The following ECE1 variants were observed in gnomAD, a reference collection of about 807,000 sequenced individuals.
The protein encoded by ECE1 is endothelin-converting enzyme 1.
In ECE1, 35 loss-of-function variants were observed where a neutral mutation model predicts 98.6. The observed-to-expected ratio is 0.35, with a 90% confidence interval of 0.27 to 0.47. The LOEUF (loss-of-function observed/expected upper bound fraction) is 0.47. Among genes scored for constraint, ECE1 ranks in the 20% least tolerant of loss-of-function variants. The pLI is 1.00. For synonymous variants in ECE1, 394 were observed against 407.1 expected (o/e 0.97, Z 0.39); for missense variants, 814 against 1,025.3 (o/e 0.79, Z 2.81).
intron 2 of ECE1, among the ~76,000 whole-genome samples, chr1:21,284,808 C>T (rs1169778030): frequency 1.3e-5 from 2 of 152,304 alleles, no homozygotes; most frequent in Non-Finnish European, 1.5e-5. Flanking sequence ...AACCCAGCAA[C>T]CTGGGCTGCA....
At chr1:21,331,094 G>A (rs898499243) in intron 1 of ECE1, among the ~76,000 whole-genome samples, 6 of 152,076 alleles carry the variant, frequency 3.9e-5, no homozygotes, top group African/African-American at 1.4e-4. Flanking sequence ...AGGCAACATA[G>A]CAAACCCTGT....
At chr1:21,317,080 G>A (rs969936699) in intron 1 of ECE1, among the ~76,000 whole-genome samples, 1 of 152,012 alleles carries the variant, frequency 6.6e-6, no homozygotes, top group Non-Finnish European at 1.5e-5. Flanking sequence ...GGGTATGGGG[G>A]ATTCAACTGC....
chr1:21,328,359 A>C (rs1639126442), intron 1 of ECE1, among the ~76,000 whole-genome samples: 1 of 152,194 alleles, frequency 6.6e-6, no homozygotes, highest in Non-Finnish European at 1.5e-5. Context: ...CTTGCTAACC[A>C]TTCTAGACCT....
chr1:21,253,789 G>A (rs529070990), intron 8 of ECE1, among the ~76,000 whole-genome samples: 2 of 149,544 alleles, frequency 1.3e-5, no homozygotes, highest in East Asian at 4.0e-4. Flanking sequence ...AAGAACCACA[G>A]GCCAGGTGCG....
At chr1:21,280,086 T>C (rs2098252628) in intron 2 of ECE1, 1 of 152,014 alleles carries the variant, frequency 6.6e-6, no homozygotes, top group African/African-American at 2.4e-5. Flanking sequence ...GGAGGCACAA[T>C]GAGAGGAAGT....
At chr1:21,332,104 C>T (rs753221645) in intron 1 of ECE1, among the ~76,000 whole-genome samples, 2 of 152,202 alleles carry the variant, frequency 1.3e-5, no homozygotes, top group Non-Finnish European at 2.9e-5. Context: ...CCATCCTCAG[C>T]ACCCAGTGGT....
At chr1:21,271,219 G>A (rs926861392) in intron 4 of ECE1, among the ~76,000 whole-genome samples, 2 of 152,190 alleles carry the variant, frequency 1.3e-5, no homozygotes, top group Non-Finnish European at 2.9e-5. Flanking sequence ...CGGAGGCCAG[G>A]AGAAAGGGTG....
intron 14 of ECE1, among the ~76,000 whole-genome samples, chr1:21,231,268 A>T (rs2098181402): frequency 6.6e-6 from 1 of 152,164 alleles, no homozygotes; most frequent in African/African-American, 2.4e-5. Context: ...TGAGATGGGT[A>T]CCACATTTCC....
At chr1:21,250,907 T>A (rs1370408599) in intron 8 of ECE1, among the ~76,000 whole-genome samples, 1 of 152,028 alleles carries the variant, frequency 6.6e-6, no homozygotes, top group African/African-American at 2.4e-5. Flanking sequence ...CGCGGGAGGC[T>A]GAGGCAGGAG....
At chr1:21,311,816 A>G (rs1218106828) in intron 1 of ECE1, among the ~76,000 whole-genome samples, 6 of 151,536 alleles carry the variant, frequency 4.0e-5, no homozygotes, top group Non-Finnish European at 7.4e-5. Context: ...TGTCTCAAAA[A>G]AAAATTTTTT....
At chr1:21,227,268 G>A in intron 15 of ECE1, 42 bp from the exon 16 acceptor site, 4 of 1,589,358 alleles carry the variant, frequency 2.5e-6, no homozygotes, top group Non-Finnish European at 3.5e-6. Flanking sequence ...GCTTTGAGAG[G>A]AGGGCCTCTC....
chr1:21,325,960 C>T (rs532169127), intron 1 of ECE1, among the ~76,000 whole-genome samples: 35 of 152,294 alleles, frequency 2.3e-4, no homozygotes, highest in African/African-American at 8.2e-4. Flanking sequence ...AACTTGCTGC[C>T]AGCTTCCCCT....
chr1:21,292,540 T>G (rs1638227691), upstream of ECE1, among the ~76,000 whole-genome samples: 1 of 152,230 alleles, frequency 6.6e-6, no homozygotes, highest in South Asian at 2.1e-4. Flanking sequence ...CAGTACTTGT[T>G]GCAGACTGTT....
rs186800354 is a variant in ECE1, at chr1:21,316,914, C to T, written c.4-26758G>A. On this transcript the variant is annotated intron_variant, in intron 1 of 18. Transcript: ENST00000415912. The stretch of plus-strand genomic sequence containing the variant: ...TTTAGGGAGGCAGAATCAGGCTGCG[C>T]TTGGTGGCTCACACCTGTAATCCCA... 2.6e-5 allele frequency among the ~76,000 whole-genome samples: 4 copies of T among 152,094 alleles called. No homozygotes were observed. In the East Asian group the frequency reaches 7.8e-4, roughly 29 times the overall value.
chr1:21,313,319 T>G (rs1280234303), intron 1 of ECE1, among the ~76,000 whole-genome samples: 2 of 152,058 alleles, frequency 1.3e-5, no homozygotes, highest in East Asian at 3.9e-4. Flanking sequence ...TGGTCCCCAG[T>G]ACACTCCATC....
chr1:21,298,884 G>A (rs1638427552), intron 1 of ECE1: 1 of 456,246 alleles, frequency 2.2e-6, no homozygotes, highest in Non-Finnish European at 4.4e-6. Context: ...TGTCCACTCT[G>A]ATCTTCTCCA....
At chr1:21,264,011 G>A (rs183394468) in intron 4 of ECE1, among the ~76,000 whole-genome samples, 4 of 152,310 alleles carry the variant, frequency 2.6e-5, no homozygotes, top group Admixed American at 6.5e-5. Flanking sequence ...TGGCCAGGAT[G>A]GCGGCAGAGA....
intron 3 of ECE1, among the ~76,000 whole-genome samples, chr1:21,275,983 T>C (rs1328611303): frequency 6.6e-6 from 1 of 151,990 alleles, no homozygotes; most frequent in East Asian, 1.9e-4. Context: ...ATATTTCCAT[T>C]GTCTAGTACT....
intron 8 of ECE1, among the ~76,000 whole-genome samples, chr1:21,249,639 A>G (rs1300329034): frequency 6.6e-6 from 1 of 152,118 alleles, no homozygotes; most frequent in African/African-American, 2.4e-5. Flanking sequence ...CTGAAATCAC[A>G]CCACTACACT....
Sources: gnomAD v4.1 joint callset for allele counts (sites outside exome capture counted in the v4.1 genomes callset) on GRCh38, gnomAD v4.1.1 for gene constraint, MANE v1.5 for transcripts, NCBI Gene and HGNC (gene_info 2026-07-23, HGNC 2026-07-21) for gene names.